ZNF729: variants seen among roughly 807,000 people sequenced by gnomAD.
ZNF729 encodes zinc finger protein 729.
Under a neutral mutation model 12.2 loss-of-function variants are expected in ZNF729, and 15 were observed. That is an observed-to-expected ratio of 1.23 (90% CI 0.82 to 1.89). The LOEUF (loss-of-function observed/expected upper bound fraction) is 1.89. ZNF729 is among the 40% of genes most tolerant of loss of function. ZNF729 has a pLI of 0.00. For synonymous variants in ZNF729, 492 were observed against 476.3 expected, an observed-to-expected ratio of 1.03 and a Z score of -0.43; for missense variants, 1,540 against 1,456.7, an observed-to-expected ratio of 1.06 and a Z score of -0.93.
At position 22,314,231 on chromosome 19, in the gene ZNF729, GC is replaced by G. The variant is rs749766206; in HGVS notation, c.815del (p.Ala272ValfsTer41). ...TPFRCEECGKAFNQSSNLTDH... is the reference protein window; with the variant it reads ...TPFRCEECGKXFNQSSNLTDH... The stretch of plus-strand genomic sequence containing the variant: ...TTTCAGATGTGAAGAATGTGGCAAA[GC>G]TTTTAACCAGTCCTCAAATCTTACT... On this transcript the variant is annotated frameshift_variant, in exon 4 of 4. Coordinates refer to ENST00000601693, the MANE Select transcript of ZNF729 (RefSeq NM_001242680.2). LOFTEE classifies it low-confidence loss of function (END_TRUNC). 1.2e-6 allele frequency: 2 copies of G among 1,606,606 alleles called. No individual in the cohort carries two copies. Among genetic ancestry groups the G allele is most frequent in the African/African-American group, 2.7e-5 (2 of 74,728 alleles).
At chr19:22,305,835 C>G (rs1968371542) in intron 3 of ZNF729, among the ~76,000 whole-genome samples, 1 of 152,102 alleles carries the variant, frequency 6.6e-6, no homozygotes, top group South Asian at 2.1e-4. Flanking sequence ...GGGTCTCACT[C>G]TGTCAGCCAG....
In ZNF729 at chr19:22,314,792, C is replaced by A. The variant is rs898355615; in HGVS notation, c.1375C>A (p.Pro459Thr). 1.2e-6 allele frequency: 2 copies of A among 1,613,460 alleles called. No individual in the cohort carries two copies. Among genetic ancestry groups the A allele is most frequent in the Admixed American group, 1.7e-5 (1 of 59,966 alleles). ...TAAGATAATTCATACTGGGGAGAAA[C>A]CATACAAATGTGAAGAATGTGGCAA... Reference protein sequence around the residue: ...KHKIIHTGEKPYKCEECGKAF... With the variant: ...KHKIIHTGEKTYKCEECGKAF... Residue 459 changes from proline (P) to threonine (T), a missense_variant, in exon 4 of 4, where the codon CCA (proline) becomes ACA (threonine). Transcript: ENST00000601693.
chr19:22,315,535 T>G lies in ZNF729; in HGVS notation c.2118T>G (p.His706Gln). Residue 706 changes from histidine to glutamine, a missense_variant, in exon 4 of 4, where the codon CAT (histidine) becomes CAG (glutamine). By Grantham distance (24) the His-to-Gln change is conservative. Coordinates refer to ENST00000601693, the MANE Select transcript of ZNF729 (RefSeq NM_001242680.2). The part of the protein sequence containing the change: ...FSALRRHKII[H>Q]TGEKPYKCEE... ...CCCTTAGAAGACATAAGATAATTCATACTGGAGAGAAACCCTACAAATGTG... is the reference window on the plus strand; with the variant it reads ...CCCTTAGAAGACATAAGATAATTCAGACTGGAGAGAAACCCTACAAATGTG... 6.2e-7 allele frequency: 1 copy of G among 1,611,320 alleles called. No homozygotes were observed. Among genetic ancestry groups the G allele is most frequent in the Middle Eastern group, 1.7e-4 (1 of 6,054 alleles).
chr19:22,310,011 G>T (rs531725715), intron 3 of ZNF729, among the ~76,000 whole-genome samples: 2 of 151,198 alleles, frequency 1.3e-5, no homozygotes, highest in African/African-American at 4.9e-5. Context: ...TTGACTCTCT[G>T]CTTGGTCGCT....
chr19:22,294,946 C>G (rs866052701), intron 1 of ZNF729, among the ~76,000 whole-genome samples: 1 of 151,796 alleles, frequency 6.6e-6, no homozygotes, highest in South Asian at 2.1e-4. Context: ...CATGAGCTAC[C>G]GTGCCTGGCC....
At chr19:22,300,348 C>T (rs1968288424) in intron 1 of ZNF729, among the ~76,000 whole-genome samples, 2 of 152,154 alleles carry the variant, frequency 1.3e-5, no homozygotes, top group Admixed American at 1.3e-4. Context: ...GACTGTGATG[C>T]ATGTCACATT....
chr19:22,316,336 T>C lies in ZNF729; in HGVS notation c.2919T>C (p.Phe973=). The part of the protein sequence containing the change: ...PYKCAECGKA[F]KQSSHLTRHK... ...AATGTGCAGAATGTGGCAAAGCTTTTAAGCAATCCTCACATCTTACTAGAC... is the reference window on the plus strand; with the variant it reads ...AATGTGCAGAATGTGGCAAAGCTTTCAAGCAATCCTCACATCTTACTAGAC... The change falls in exon 4 of 4, where the codon TTT becomes TTC. Residue 973 remains phenylalanine (F), a synonymous_variant. Coordinates refer to ENST00000601693, the MANE Select transcript of ZNF729 (RefSeq NM_001242680.2). 2 of 1,613,720 alleles carry C rather than the reference T, an allele frequency of 1.2e-6. No individual in the cohort carries two copies. Among genetic ancestry groups the C allele is most frequent in the Non-Finnish European group, 1.7e-6 (2 of 1,179,730 alleles).
Position 22,286,483 on chromosome 19 carries a change from C to T in ZNF729, c.-43C>T. 6.2e-7 allele frequency: 1 copy of T among 1,612,306 alleles called. No homozygotes were observed. The highest frequency in any genetic ancestry group is 1.6e-4 in the Middle Eastern group (1 of 6,062). ...CTTCACTGCTGTGTGTCCTCAGCCT[C>T]TGTGGCCCTGTAACCTGCGGCATTG... On this transcript the variant is annotated 5_prime_UTR_variant, in exon 1 of 4. Coordinates refer to ENST00000601693, the MANE Select transcript of ZNF729 (RefSeq NM_001242680.2).
chr19:22,312,859 G>A (rs192983613), intron 3 of ZNF729, among the ~76,000 whole-genome samples: 39 of 152,150 alleles, frequency 2.6e-4, no homozygotes, highest in African/African-American at 8.0e-4. Context: ...GATTTCAGGC[G>A]TGTGCCACCA....
At position 22,316,386 on chromosome 19, in the gene ZNF729, A is replaced by T; in HGVS notation, c.2969A>T (p.Lys990Ile). ...TRHKAIHTGEKPYKCEECGKD... is the reference protein window; with the variant it reads ...TRHKAIHTGEIPYKCEECGKD... ...CATAAAGCAATTCATACTGGGGAGA[A>T]ACCCTACAAATGCGAAGAATGTGGC... The change falls in exon 4 of 4, where the codon AAA becomes ATA. Residue 990 changes from lysine to isoleucine, a missense_variant. Transcript: ENST00000601693. 2 of 1,613,754 alleles carry T rather than the reference A, an allele frequency of 1.2e-6. No homozygotes were observed. The highest frequency in any genetic ancestry group is 1.7e-6 in the Non-Finnish European group (2 of 1,179,756).
intron 1 of ZNF729, among the ~76,000 whole-genome samples, chr19:22,292,411 G>T (rs1486860790): frequency 6.6e-6 from 1 of 152,032 alleles, no homozygotes; most frequent in South Asian, 2.1e-4. Context: ...TGATGTTTAT[G>T]TACCATATTT....
In ZNF729 at chr19:22,292,480, C is replaced by A. The variant is rs561379751; in HGVS notation, c.30+5925C>A. Among the ~76,000 whole-genome samples the A allele has an allele frequency of 8.0e-4, 121 of 152,114 alleles. 1 individual carries two copies. Among genetic ancestry groups the A allele is most frequent in the South Asian group, 6.0e-3 (29 of 4,810 alleles). ...TGGAGACTGGGTCTCACTCTGTCAC[C>A]CAGGCTGGAGTATAGTGGCATGATC... On this transcript the variant is annotated intron_variant, in intron 1 of 3. Transcript: ENST00000601693.
chr19:22,314,373 C>T lies in ZNF729; in HGVS notation c.956C>T (p.Pro319Leu). 6.3e-7 allele frequency: 1 copy of T among 1,593,544 alleles called. No homozygotes were observed. The change falls in exon 4 of 4, where the codon CCC becomes CTC. Residue 319 changes from proline to leucine, a missense_variant. Coordinates refer to ENST00000601693, the MANE Select transcript of ZNF729 (RefSeq NM_001242680.2). Reference sequence around the variant, plus strand: ...AAGGTAATTCATACTGCAGAGAAACCCTACAAATGTGAAGATTGTGGCAAA... The same window carrying T: ...AAGGTAATTCATACTGCAGAGAAACTCTACAAATGTGAAGATTGTGGCAAA... The part of the protein sequence containing the change: ...AHKVIHTAEK[P>L]YKCEDCGKTF...
At chr19:22,291,572 C>T (rs1968154536) in intron 1 of ZNF729, among the ~76,000 whole-genome samples, 1 of 152,170 alleles carries the variant, frequency 6.6e-6, no homozygotes, top group Non-Finnish European at 1.5e-5. Context: ...CCTGTTTTCT[C>T]CACCAACCTG....
chr19:22,293,914 A>G (rs1000757145), intron 1 of ZNF729, among the ~76,000 whole-genome samples: 6 of 152,108 alleles, frequency 3.9e-5, no homozygotes, highest in African/African-American at 1.4e-4. Flanking sequence ...ATTTTATTCT[A>G]TAGGTTTTGT....
At chr19:22,310,704 G>A (rs1968440526) in intron 3 of ZNF729, among the ~76,000 whole-genome samples, 1 of 152,064 alleles carries the variant, frequency 6.6e-6, no homozygotes, top group Non-Finnish European at 1.5e-5. Context: ...GGTGATGCTG[G>A]CTTCATAGAA....
intron 1 of ZNF729, among the ~76,000 whole-genome samples, chr19:22,296,609 G>A (rs1968233113): frequency 6.6e-6 from 1 of 151,928 alleles, no homozygotes; most frequent in African/African-American, 2.4e-5. Context: ...TAAATCTTCA[G>A]TTCTGATCTT....
rs1221465013 is a variant in ZNF729 at position 22,314,643 on chromosome 19, G to C, written c.1226G>C (p.Cys409Ser). Residue 409 changes from cysteine (C) to serine (S), a missense_variant, in exon 4 of 4, where the codon TGT (cysteine) becomes TCT (serine). By Grantham distance (112) the Cys-to-Ser change is moderately radical. Coordinates refer to ENST00000601693, the MANE Select transcript of ZNF729 (RefSeq NM_001242680.2). Reference protein sequence around the residue: ...TGEKPYKCEECGKAFSQFSTL... With the variant: ...TGEKPYKCEESGKAFSQFSTL... ...GAGAAACCCTACAAATGTGAAGAATGTGGCAAAGCTTTTAGCCAGTTCTCA... is the reference window on the plus strand; with the variant it reads ...GAGAAACCCTACAAATGTGAAGAATCTGGCAAAGCTTTTAGCCAGTTCTCA... The C allele has an allele frequency of 6.2e-7, 1 of 1,612,512 alleles. No individual in the cohort carries two copies. The highest frequency in any genetic ancestry group is 8.5e-7 in the Non-Finnish European group (1 of 1,179,910).
At position 22,314,142 on chromosome 19, in the gene ZNF729, G is replaced by C; in HGVS notation, c.725G>C (p.Gly242Ala). ...EDKPYKYKKC[G>A]NAFKFSSTFT... ...AAACCTTACAAATATAAGAAATGTG[G>C]CAATGCCTTTAAATTTTCTTCAACG... The change falls in exon 4 of 4, where the codon GGC becomes GCC. Residue 242 changes from glycine to alanine, a missense_variant. By Grantham distance (60) the Gly-to-Ala change is moderately conservative. Coordinates refer to ENST00000601693, the MANE Select transcript of ZNF729 (RefSeq NM_001242680.2). 3 of 1,557,454 alleles carry C rather than the reference G, an allele frequency of 1.9e-6. No homozygotes were observed. The highest frequency in any genetic ancestry group is 2.6e-6 in the Non-Finnish European group (3 of 1,152,280).
Sources: allele counts gnomAD v4.1 joint callset (sites outside exome capture counted in the v4.1 genomes callset), GRCh38; gene constraint gnomAD v4.1.1; transcripts MANE v1.5; gene names NCBI Gene and HGNC (gene_info 2026-07-23, HGNC 2026-07-21).